Variants in PPP2R3C observed in about 807,000 individuals in gnomAD.
PPP2R3C encodes serine/threonine-protein phosphatase 2A regulatory subunit B'' subunit gamma.
PPP2R3C carries 47 observed loss-of-function variants against 63.7 expected under a neutral mutation model. The ratio of observed to expected loss-of-function variants is 0.74; its 90% CI spans 0.58 to 0.94. The LOEUF (loss-of-function observed/expected upper bound fraction) is 0.94. Ranked by LOEUF, PPP2R3C falls within the 40% of genes least tolerant of loss-of-function variation. PPP2R3C has a pLI of 0.00. For synonymous variants in PPP2R3C, 180 were observed against 177.4 expected (o/e 1.01, Z -0.12); for missense variants, 421 against 518.4 (o/e 0.81, Z 1.82).
chr14:35,120,790 T>TA (rs1188218428), intron 1 of PPP2R3C, among the ~76,000 whole-genome samples: 3 of 151,756 alleles, frequency 2.0e-5, no homozygotes, highest in Admixed American at 6.6e-5. Context: ...CCACTAAAAA[T>TA]AAAAAATTAG....
chr14:35,105,635 C>T (rs1446410503), intron 6 of PPP2R3C, among the ~76,000 whole-genome samples: 1 of 151,780 alleles, frequency 6.6e-6, no homozygotes, highest in African/African-American at 2.4e-5. Flanking sequence ...TCCTGTGTCT[C>T]AACAAAAACT....
chr14:35,109,072 T>C (rs2046457281), intron 4 of PPP2R3C, among the ~76,000 whole-genome samples: 1 of 152,148 alleles, frequency 6.6e-6, no homozygotes, highest in African/African-American at 2.4e-5. Context: ...TCTTTTTTTT[T>C]TTTGAGATGG....
chr14:35,087,692 G>C (rs1158032216), intron 12 of PPP2R3C: 1 of 394,556 alleles, frequency 2.5e-6, no homozygotes, highest in African/African-American at 2.1e-5. Flanking sequence ...GAGCCACTGA[G>C]CCCGGCCCCC....
chr14:35,105,408 C>G (rs1036385490), intron 6 of PPP2R3C, among the ~76,000 whole-genome samples: 7 of 151,916 alleles, frequency 4.6e-5, no homozygotes, highest in Non-Finnish European at 7.4e-5. Context: ...GTCTTGAACT[C>G]CTGACCTCAA....
chr14:35,117,247 T>A (rs1595131614), intron 1 of PPP2R3C: 1 of 438,888 alleles, frequency 2.3e-6, no homozygotes, highest in East Asian at 7.1e-5. Flanking sequence ...TCTATTACCC[T>A]GCAACTCGCC....
intron 2 of PPP2R3C, among the ~76,000 whole-genome samples, chr14:35,111,904 T>C (rs1217176790): frequency 6.6e-6 from 1 of 152,214 alleles, no homozygotes; most frequent in East Asian, 1.9e-4. Context: ...TCAAGAAGGC[T>C]GATTTGAGTA....
In PPP2R3C at chr14:35,100,038, T is replaced by C. The variant is rs1344924781; in HGVS notation, c.574-654A>G. ...TAGCCGTGAGGCACCACACCCAGCC[T>C]TTCCCTCTTTTTACACAAAGGATGT... On this transcript the variant is annotated intron_variant, in intron 6 of 12. Transcript: ENST00000261475. 2.0e-5 allele frequency: 3 copies of C among 152,214 alleles called. No homozygotes were observed. In the East Asian group the frequency reaches 5.8e-4, roughly 29 times the overall value. 9.4% of individuals were successfully genotyped at this position (152,214 alleles called of 1,614,324 possible). A position where few individuals can be genotyped will look rare whatever the true frequency, so the allele number is the denominator to read the frequency against.
intron 10 of PPP2R3C, among the ~76,000 whole-genome samples, chr14:35,094,296 G>A (rs1370765438): frequency 6.6e-6 from 1 of 151,958 alleles, no homozygotes; most frequent in Non-Finnish European, 1.5e-5. Context: ...TCAGCCTCCC[G>A]AGTAGCTATA....
Position 35,107,294 on chromosome 14 carries a change from T to A in PPP2R3C, c.573+10A>T. 3.2e-6 allele frequency: 5 copies of A among 1,574,118 alleles called. No homozygotes were observed. Among genetic ancestry groups the A allele is most frequent in the Non-Finnish European group, 4.4e-6 (5 of 1,143,734 alleles). ...AGAGTTAATATAATATCTATAAGGT[T>A]AACACTTACAGATTCCCGAAGGTAC... On this transcript the variant is annotated intron_variant, in intron 6 of 12. Transcript: ENST00000261475.
At chr14:35,117,638 C>A (rs1439122369) in intron 1 of PPP2R3C, among the ~76,000 whole-genome samples, 1 of 152,184 alleles carries the variant, frequency 6.6e-6, no homozygotes, top group Non-Finnish European at 1.5e-5. Context: ...TCCTTCCCAA[C>A]AAGCCTGTAA....
At position 35,119,298 on chromosome 14, in the gene PPP2R3C, G is replaced by A. The variant is rs146170551; in HGVS notation, c.59-2561C>T. On this transcript the variant is annotated intron_variant, in intron 1 of 12. Coordinates refer to ENST00000261475, the MANE Select transcript of PPP2R3C (RefSeq NM_017917.4). ...AGTGATCTGCCTACCTCGGCCTCCC[G>A]AAGTGTTGGGATTACAGGTGTAAGC... Among the ~76,000 whole-genome samples the A allele has an allele frequency of 9.7e-3, 1,478 of 151,650 alleles. 14 individuals carry two copies. The highest frequency in any genetic ancestry group is 0.016 in the Non-Finnish European group (1,062 of 67,864).
In PPP2R3C at chr14:35,110,551, C is replaced by G. The variant is rs1389476473; in HGVS notation, c.265G>C (p.Glu89Gln). Residue 89 changes from glutamate (E) to glutamine (Q), a missense_variant, in exon 3 of 13, where the codon GAA (glutamate) becomes CAA (glutamine). This residue lies in a region of PPP2R3C where 143 missense variants were observed against 151.2 expected (regional missense o/e 0.95). Coordinates refer to ENST00000261475, the MANE Select transcript of PPP2R3C (RefSeq NM_017917.4). ...RAVFLQRKSR[E>Q]LLDNEELQNL... ...TGTAATTCTTCATTATCTAACAGTT[C>G]TCTGCTTTTTCTTTGTAGAAAGACA... is the stretch of plus-strand genomic sequence containing the variant. 3.1e-6 allele frequency: 5 copies of G among 1,610,920 alleles called. No homozygotes were observed. Among genetic ancestry groups the G allele is most frequent in the Non-Finnish European group, 1.7e-6 (2 of 1,178,186 alleles).
intron 7 of PPP2R3C, 47 bp from the exon 8 acceptor site, chr14:35,096,811 G>C: frequency 6.7e-7 from 1 of 1,492,658 alleles, no homozygotes; most frequent in South Asian, 1.3e-5. Flanking sequence ...TAAGAAAAGA[G>C]CAACTCAATT....
intron 4 of PPP2R3C, among the ~76,000 whole-genome samples, chr14:35,108,671 G>A (rs1190940050): frequency 1.3e-5 from 2 of 152,076 alleles, no homozygotes; most frequent in Non-Finnish European, 2.9e-5. Flanking sequence ...TTGGGAGGCT[G>A]AGGCAGGAGA....
chr14:35,111,581 G>A (rs377676548), intron 2 of PPP2R3C, among the ~76,000 whole-genome samples: 4 of 152,368 alleles, frequency 2.6e-5, no homozygotes, highest in African/African-American at 9.6e-5. Flanking sequence ...TCAGTTAAAT[G>A]ATTAGCAGTT....
intron 4 of PPP2R3C, among the ~76,000 whole-genome samples, chr14:35,108,798 CAG>C (rs2046446370): frequency 6.6e-6 from 1 of 151,740 alleles, no homozygotes; most frequent in Non-Finnish European, 1.5e-5. Flanking sequence ...TATATATAAA[CAG>C]AGATTTGCTC....
In PPP2R3C at chr14:35,121,931, C is replaced by G; in HGVS notation, c.29G>C (p.Arg10Pro). The part of the protein sequence containing the change: MDWKEVLRR[R>P]LATPNTCPNK... Reference sequence around the variant, plus strand: ...TGGACAGGTGTTGGGCGTCGCTAGGCGCCGACGAAGAACTTCTTTCCAGTC... The same window carrying G: ...TGGACAGGTGTTGGGCGTCGCTAGGGGCCGACGAAGAACTTCTTTCCAGTC... Residue 10 changes from arginine (R) to proline (P), a missense_variant, in exon 1 of 13, where the codon CGC becomes CCC. By Grantham distance (103) the Arg-to-Pro change is moderately radical. Around this residue, in one of 3 missense-constraint regions of PPP2R3C, gnomAD observed 143 missense variants for 151.2 expected, o/e 0.95. Transcript: ENST00000261475. 1 of 1,614,168 alleles carries G rather than the reference C, an allele frequency of 6.2e-7. No homozygotes were observed. Among genetic ancestry groups the G allele is most frequent in the Non-Finnish European group, 8.5e-7 (1 of 1,180,026 alleles).
chr14:35,117,684 G>A (rs971345282), intron 1 of PPP2R3C, among the ~76,000 whole-genome samples: 33 of 151,764 alleles, frequency 2.2e-4, no homozygotes, highest in African/African-American at 8.0e-4. Context: ...CTGCATTTCT[G>A]CTGCATCTGT....
intron 6 of PPP2R3C, among the ~76,000 whole-genome samples, chr14:35,104,981 G>A (rs1319305205): frequency 1.3e-5 from 2 of 150,096 alleles, no homozygotes; most frequent in African/African-American, 4.9e-5. Flanking sequence ...TGATCCACTC[G>A]CCTTCACCTC....
Sources: gnomAD v4.1 joint callset for allele counts (sites outside exome capture counted in the v4.1 genomes callset) on GRCh38, gnomAD v4.1.1 for gene constraint, gnomAD v4.1.1 regional missense constraint, MANE v1.5 for transcripts, NCBI Gene and HGNC (gene_info 2026-07-23, HGNC 2026-07-21) for gene names.